Variants in REDIC1 observed in about 807,000 individuals in gnomAD.
REDIC1 encodes the protein regulator of DNA class I crossover intermediates 1, also known as HEI10 Interacting Protein 1.
At chr12:39,772,250 C>T in the REDIC1 span, among the ~76,000 whole-genome samples, 2 of 152,132 alleles carry the variant, frequency 1.3e-5, no homozygotes, top group Non-Finnish European at 2.9e-5. Context: ...CCCTTACCAG[C>T]TTTGTAACTT....
the REDIC1 span, among the ~76,000 whole-genome samples, chr12:39,712,510 T>A: frequency 7.0e-6 from 1 of 143,158 alleles, no homozygotes; most frequent in Non-Finnish European, 1.5e-5. Context: ...TATACGTATG[T>A]ACGTATATAC....
the REDIC1 span, among the ~76,000 whole-genome samples, chr12:39,674,071 T>A: frequency 6.6e-6 from 1 of 152,206 alleles, no homozygotes; most frequent in Admixed American, 6.5e-5. Flanking sequence ...TTCTTTTCAG[T>A]TTTTTAGGAT....
the REDIC1 span, among the ~76,000 whole-genome samples, chr12:39,896,525 TATAC>T: frequency 7.7e-3 from 1,133 of 147,932 alleles, 37 homozygotes; most frequent in African/African-American, 0.027. Flanking sequence ...TGTATACATG[TATAC>T]ATGTATGTAT....
the REDIC1 span, among the ~76,000 whole-genome samples, chr12:39,707,138 A>G: frequency 2.6e-5 from 4 of 152,134 alleles, no homozygotes; most frequent in South Asian, 8.3e-4. Flanking sequence ...AATATAATGT[A>G]TAAGGAGTTC....
the REDIC1 span, among the ~76,000 whole-genome samples, chr12:39,702,380 C>T: frequency 2.0e-5 from 3 of 152,146 alleles, no homozygotes; most frequent in Non-Finnish European, 2.9e-5. Flanking sequence ...CAAGACTAAA[C>T]CAGGAAGAAG....
chr12:39,665,097 T>G, the REDIC1 span, among the ~76,000 whole-genome samples: 4 of 152,148 alleles, frequency 2.6e-5, no homozygotes, highest in Admixed American at 2.0e-4. Flanking sequence ...TTTGTCAATT[T>G]TGGCTTTTGT....
chr12:39,685,409 A>G, the REDIC1 span, among the ~76,000 whole-genome samples: 1 of 152,144 alleles, frequency 6.6e-6, no homozygotes, highest in Admixed American at 6.6e-5. Context: ...CAGGAGCAAG[A>G]GAGAGTGAGT....
the REDIC1 span, among the ~76,000 whole-genome samples, chr12:39,801,386 G>A: frequency 6.7e-6 from 1 of 148,624 alleles, no homozygotes; most frequent in East Asian, 1.9e-4. Context: ...GCTGTAGGTA[G>A]CAAAGGCATA....
chr12:39,627,029 G>C, the REDIC1 span, among the ~76,000 whole-genome samples: 1 of 152,132 alleles, frequency 6.6e-6, no homozygotes, highest in Non-Finnish European at 1.5e-5. Flanking sequence ...AATTTCATTT[G>C]ATCAAAATTC....
At chr12:39,835,477 T>TAC in the REDIC1 span, among the ~76,000 whole-genome samples, 1 of 152,124 alleles carries the variant, frequency 6.6e-6, no homozygotes, top group East Asian at 1.9e-4. Context: ...TGAAGATATT[T>TAC]ACATAAGGAC....
the REDIC1 span, among the ~76,000 whole-genome samples, chr12:39,853,314 A>G: frequency 6.6e-6 from 1 of 152,178 alleles, no homozygotes; most frequent in African/African-American, 2.4e-5. Flanking sequence ...GGGTGATCTA[A>G]GTGCTGTTTG....
At chr12:39,718,205 C>T in the REDIC1 span, among the ~76,000 whole-genome samples, 1 of 152,072 alleles carries the variant, frequency 6.6e-6, no homozygotes, top group East Asian at 1.9e-4. Flanking sequence ...CATTGACCAT[C>T]CTTTCCATAG....
At chr12:39,877,807 C>T in the REDIC1 span, among the ~76,000 whole-genome samples, 5 of 152,142 alleles carry the variant, frequency 3.3e-5, no homozygotes, top group African/African-American at 1.2e-4. Flanking sequence ...AAAAATACAT[C>T]ATATTTTCCA....
chr12:39,704,838 C>G, the REDIC1 span, among the ~76,000 whole-genome samples: 3 of 151,904 alleles, frequency 2.0e-5, no homozygotes, highest in African/African-American at 7.3e-5. Flanking sequence ...AACCAAACAC[C>G]GCATATTCTC....
chr12:39,794,713 G>T, the REDIC1 span, among the ~76,000 whole-genome samples: 7 of 152,182 alleles, frequency 4.6e-5, no homozygotes, highest in South Asian at 2.1e-4. Flanking sequence ...GCCTGGAGTG[G>T]CTGTGAACAT....
chr12:39,809,285 C>T, the REDIC1 span, among the ~76,000 whole-genome samples: 2 of 151,982 alleles, frequency 1.3e-5, no homozygotes, highest in Non-Finnish European at 2.9e-5. Flanking sequence ...TCTATTTTAC[C>T]AACATCACAT....
the REDIC1 span, among the ~76,000 whole-genome samples, chr12:39,676,905 A>G: frequency 1.3e-5 from 2 of 152,142 alleles, no homozygotes; most frequent in African/African-American, 4.8e-5. Flanking sequence ...TGCTGAGAGA[A>G]TTCACCACTA....
chr12:39,854,331 T>C, the REDIC1 span, among the ~76,000 whole-genome samples: 4 of 152,152 alleles, frequency 2.6e-5, no homozygotes, highest in Non-Finnish European at 5.9e-5. Context: ...TACTTGAATA[T>C]TGTAAGAGCT....
At chr12:39,861,699 T>C in the REDIC1 span, among the ~76,000 whole-genome samples, 1 of 152,206 alleles carries the variant, frequency 6.6e-6, no homozygotes, top group East Asian at 1.9e-4. Flanking sequence ...TGAACTCTCA[T>C]AAAGATATAT....
Sources: allele counts gnomAD v4.1 joint callset (sites outside exome capture counted in the v4.1 genomes callset), GRCh38; gene constraint gnomAD v4.1.1; transcripts MANE v1.5; gene names NCBI Gene and HGNC (gene_info 2026-07-23, HGNC 2026-07-21).